PTK7: variants seen among roughly 807,000 people sequenced by gnomAD.
PTK7 encodes protein tyrosine kinase 7 (inactive).
PTK7 carries 39 observed loss-of-function variants against 116.6 expected under a neutral mutation model. The ratio of observed to expected loss-of-function variants is 0.33; its 90% CI spans 0.26 to 0.44. The LOEUF (loss-of-function observed/expected upper bound fraction) is 0.44. PTK7 is among the 20% of genes least tolerant of loss of function. PTK7 has a pLI of 1.00. For missense variants in PTK7, 1,169 were observed against 1,425.6 expected (o/e 0.82, Z 2.90); for synonymous variants, 546 against 563.6 (o/e 0.97, Z 0.44).
intron 1 of PTK7, among the ~76,000 whole-genome samples, chr6:43,093,183 CTTT>C (rs72414606): frequency 3.5e-5 from 3 of 84,772 alleles, no homozygotes; most frequent in African/African-American, 1.0e-4. Flanking sequence ...ATAGGATCTC[CTTT>C]TTTTTTTTTT....
chr6:43,132,697 T>C lies in PTK7; in HGVS notation c.1228+10T>C. ...AACATCACTGTGGCCAGTGAGCACC[T>C]TTGCCCTGAAGGTCAAGGAGAGGTG... On this transcript the variant is annotated intron_variant, in intron 7 of 19. Transcript: ENST00000230419. 6.4e-7 allele frequency: 1 copy of C among 1,556,458 alleles called. No individual in the cohort carries two copies. The highest frequency in any genetic ancestry group is 8.7e-7 in the Non-Finnish European group (1 of 1,149,970).
rs974034855 is a variant in PTK7 at position 43,156,221 on chromosome 6, C to G, written c.2722-2596C>G. Among the ~76,000 whole-genome samples, 8 of 108,958 alleles carry G rather than the reference C, an allele frequency of 7.3e-5. No homozygotes were observed. The Admixed American group carries it at 7.4e-4, about 10-fold the overall frequency. 71.5% of individuals were successfully genotyped at this position (108,958 alleles called of 152,430 possible). On this transcript the variant is annotated intron_variant, in intron 17 of 19. Coordinates refer to ENST00000230419, the MANE Select transcript of PTK7 (RefSeq NM_002821.5). ...TCCAGCCTGGGTGACAGAGCAATAC[C>G]CTGTCTCAAAAAAAAAAAAAAAAAA...
chr6:43,119,526 G>C (rs1768831762), intron 1 of PTK7, among the ~76,000 whole-genome samples: 1 of 152,112 alleles, frequency 6.6e-6, no homozygotes, highest in South Asian at 2.1e-4. Context: ...CAGAGACCTG[G>C]AAGCACTTTG....
At chr6:43,136,135 G>A (rs555661230) in intron 7 of PTK7, among the ~76,000 whole-genome samples, 157 of 151,814 alleles carry the variant, frequency 1.0e-3, no homozygotes, top group African/African-American at 3.5e-3. Flanking sequence ...CAGCCTGGGC[G>A]ACAGAGCGAG....
chr6:43,141,527 C>G lies in PTK7; in HGVS notation c.1619-141C>G, dbSNP rs1027637089. ...GTAAATAACGGAGGGGCTTCTAACA[C>G]TTGGCTCAGGAGTTTGGACTTTGCC... On this transcript the variant is annotated intron_variant, in intron 10 of 19. Transcript: ENST00000230419. The surrounding 1 kb of genome is among the most constrained non-coding windows in gnomAD (Gnocchi z 4.9). The G allele has an allele frequency of 1.0e-6, 1 of 981,338 alleles. No individual in the cohort carries two copies. The highest frequency in any genetic ancestry group is 1.5e-6 in the Non-Finnish European group (1 of 662,300). The allele number at this position is 981,338 out of a possible 1,614,324, so 60.8% of individuals were successfully genotyped here.
intron 15 of PTK7, 48 bp downstream of exon 15, chr6:43,144,654 G>A (rs756479111): frequency 9.0e-6 from 14 of 1,564,000 alleles, no homozygotes; most frequent in East Asian, 6.7e-5. Flanking sequence ...CAAGTCACCC[G>A]CTGTGTCTTG....
At chr6:43,114,559 G>A (rs184594784) in intron 1 of PTK7, among the ~76,000 whole-genome samples, 3 of 152,134 alleles carry the variant, frequency 2.0e-5, no homozygotes, top group South Asian at 2.1e-4. Flanking sequence ...GCCAGATCTC[G>A]GTGCCTTCCA....
chr6:43,080,670 A>G (rs920621224), intron 1 of PTK7, among the ~76,000 whole-genome samples: 1 of 152,158 alleles, frequency 6.6e-6, no homozygotes, highest in African/African-American at 2.4e-5. Flanking sequence ...GGCCGGGTGC[A>G]GTGGCTCACA....
Position 43,129,609 on chromosome 6 carries a change from T to C in PTK7, c.368-118T>C. On this transcript the variant is annotated intron_variant, in intron 2 of 19. Transcript: ENST00000230419. This position sits in a 1 kb window ranked among gnomAD's most constrained non-coding sequence, Gnocchi z 4.5. ...CCCAGCCTCAGCCTCCAGGGCTTCC[T>C]TGTGTCTGTTGGCACAGAGCCTCGA... The C allele has an allele frequency of 1.1e-6, 1 of 891,870 alleles. No individual in the cohort carries two copies. The highest frequency in any genetic ancestry group is 1.8e-6 in the Non-Finnish European group (1 of 558,472). 55.2% of individuals were successfully genotyped at this position (891,870 alleles called of 1,614,324 possible).
At chr6:43,124,252 TCTC>T (rs1418690789) in intron 1 of PTK7, among the ~76,000 whole-genome samples, 2 of 152,186 alleles carry the variant, frequency 1.3e-5, no homozygotes, top group African/African-American at 4.8e-5. Flanking sequence ...CCTGCCTTCT[TCTC>T]TGTCATTGCT....
intron 17 of PTK7, among the ~76,000 whole-genome samples, chr6:43,155,407 C>T (rs886578322): frequency 2.0e-5 from 3 of 151,910 alleles, no homozygotes; most frequent in Non-Finnish European, 4.4e-5. Context: ...GCTTTGGGAG[C>T]CGAGGCAGGT....
intron 1 of PTK7, among the ~76,000 whole-genome samples, chr6:43,118,667 A>C (rs1296010065): frequency 0.054 from 4,570 of 83,858 alleles, 62 homozygotes; most frequent in East Asian, 0.099. Context: ...CTCTATATAT[A>C]TATATATATA....
rs62417480 is a variant in PTK7 at position 43,128,689 on chromosome 6, G to A, written c.80-288G>A. Among the ~76,000 whole-genome samples the A allele has an allele frequency of 6.7e-3, 1,020 of 152,338 alleles. 3 individuals are homozygous for A. The highest frequency in any genetic ancestry group is 0.011 in the Non-Finnish European group (743 of 68,036). ...AATCCCAGCTACTCGAGAGGCTGAG[G>A]CAGAAGAATCACTTGAACCCAGGAG... On this transcript the variant is annotated intron_variant, in intron 1 of 19. Coordinates refer to ENST00000230419, the MANE Select transcript of PTK7 (RefSeq NM_002821.5).
At chr6:43,155,036 G>T (rs577075149) in intron 17 of PTK7, among the ~76,000 whole-genome samples, 1 of 152,344 alleles carries the variant, frequency 6.6e-6, no homozygotes, top group Admixed American at 6.5e-5. Flanking sequence ...CACAGCAGGT[G>T]CTCACCAAAT....
intron 17 of PTK7, among the ~76,000 whole-genome samples, chr6:43,157,570 A>G (rs1237247513): frequency 6.6e-6 from 1 of 150,982 alleles, no homozygotes; most frequent in Admixed American, 6.6e-5. Context: ...TAAAATGAAA[A>G]AGAAACAACC....
chr6:43,088,372 G>T (rs1766769286), intron 1 of PTK7, among the ~76,000 whole-genome samples: 1 of 151,950 alleles, frequency 6.6e-6, no homozygotes. Flanking sequence ...TAGAGTCCTT[G>T]TATGTCCAGG....
In PTK7 at chr6:43,099,590, G is replaced by A. The variant is rs185955352; in HGVS notation, c.79+23023G>A. 1.7e-3 allele frequency among the ~76,000 whole-genome samples: 266 copies of A among 152,124 alleles called. 2 individuals are homozygous for A. The highest frequency in any genetic ancestry group is 5.4e-3 in the African/African-American group (222 of 41,478). Reference sequence around the variant, plus strand: ...AGGGATATAGATAGAGCAGGGAATGGGATGAAAAAATTCACTGTCCCCAGA... The same window carrying A: ...AGGGATATAGATAGAGCAGGGAATGAGATGAAAAAATTCACTGTCCCCAGA... On this transcript the variant is annotated intron_variant, in intron 1 of 19. Transcript: ENST00000230419.
At chr6:43,142,453 A>G in intron 13 of PTK7, 154 bp downstream of exon 13, 1 of 1,194,586 alleles carries the variant, frequency 8.4e-7, no homozygotes, top group Non-Finnish European at 1.2e-6. Flanking sequence ...GCACAGTCTT[A>G]GAGTCCTTGC....
At chr6:43,099,111 TA>T (rs1041026184) in intron 1 of PTK7, among the ~76,000 whole-genome samples, 30 of 136,374 alleles carry the variant, frequency 2.2e-4, no homozygotes, top group Admixed American at 3.7e-4. Context: ...ATCCAGTACT[TA>T]AAAAAAAAAG....
Sources: allele counts gnomAD v4.1 joint callset (sites outside exome capture counted in the v4.1 genomes callset), GRCh38; gene constraint gnomAD v4.1.1; non-coding constraint Gnocchi (gnomAD v3.1); transcripts MANE v1.5; gene names NCBI Gene and HGNC (gene_info 2026-07-23, HGNC 2026-07-21).